Variants in ZNF618 observed in about 807,000 individuals in gnomAD.
The protein encoded by ZNF618 is neural precursor cell expressed, developmentally down-regulated 10.
In ZNF618, 34 loss-of-function variants were observed where a neutral mutation model predicts 103.0. The ratio of observed to expected loss-of-function variants is 0.33; its 90% CI spans 0.25 to 0.44. The LOEUF is 0.44. Ranked by LOEUF, ZNF618 falls within the 20% of genes least tolerant of loss-of-function variation. ZNF618 has a pLI of 1.00. For missense variants in ZNF618, 1,059 were observed against 1,295.4 expected (o/e 0.82, Z 2.80); for synonymous variants, 551 against 542.2 (o/e 1.02, Z -0.23).
intron 1 of ZNF618, among the ~76,000 whole-genome samples, chr9:113,951,563 A>G (rs1414703028): frequency 2.8e-5 from 1 of 36,204 alleles, no homozygotes; most frequent in Admixed American, 4.3e-4. Context: ...GTGTGTGTAT[A>G]TGTGTGTGTG....
intron 1 of ZNF618, among the ~76,000 whole-genome samples, chr9:113,903,475 GTTTT>G (rs11439947): frequency 1.4e-5 from 2 of 144,690 alleles, no homozygotes; most frequent in African/African-American, 5.1e-5. Flanking sequence ...ATCTGCCTCT[GTTTT>G]TTTTTTTTAA....
chr9:113,946,691 G>C (rs1462172959), intron 1 of ZNF618, among the ~76,000 whole-genome samples: 1 of 152,168 alleles, frequency 6.6e-6, no homozygotes, highest in Non-Finnish European at 1.5e-5. Flanking sequence ...CCTCCTCTCT[G>C]AGAGGGGCTG....
At chr9:113,901,850 G>C (rs762744217) in intron 1 of ZNF618, among the ~76,000 whole-genome samples, 16 of 152,020 alleles carry the variant, frequency 1.1e-4, no homozygotes, top group Non-Finnish European at 1.9e-4. Flanking sequence ...TTTCTGTTTT[G>C]TTTTGTTTTT....
intron 4 of ZNF618, among the ~76,000 whole-genome samples, chr9:113,998,736 T>C (rs1160301554): frequency 2.0e-5 from 3 of 152,376 alleles, no homozygotes; most frequent in South Asian, 4.1e-4. Flanking sequence ...TCGCAGGGCC[T>C]GCGGCTGCCC....
At chr9:113,910,139 A>G (rs933855340) in intron 1 of ZNF618, among the ~76,000 whole-genome samples, 8 of 151,900 alleles carry the variant, frequency 5.3e-5, no homozygotes, top group African/African-American at 1.9e-4. Flanking sequence ...TCCCTGCTAT[A>G]CTAAATGGCT....
intron 13 of ZNF618, among the ~76,000 whole-genome samples, chr9:114,041,151 A>C (rs1845140585): frequency 6.6e-6 from 1 of 152,116 alleles, no homozygotes; most frequent in African/African-American, 2.4e-5. Context: ...GTCTGTTCAT[A>C]TCCTTCGCCC....
At chr9:113,948,564 T>A (rs909522549) in intron 1 of ZNF618, among the ~76,000 whole-genome samples, 3 of 152,234 alleles carry the variant, frequency 2.0e-5, no homozygotes, top group Non-Finnish European at 4.4e-5. Context: ...GAGATGTTTT[T>A]AATCAAAAGT....
chr9:113,924,642 G>C (rs1466899317), intron 1 of ZNF618, among the ~76,000 whole-genome samples: 1 of 151,286 alleles, frequency 6.6e-6, no homozygotes, highest in Admixed American at 6.6e-5. Flanking sequence ...TCAGATTATT[G>C]ATTTTATATT....
At chr9:114,025,483 T>TA (rs1353079597) in intron 10 of ZNF618, among the ~76,000 whole-genome samples, 1 of 152,256 alleles carries the variant, frequency 6.6e-6, no homozygotes, top group African/African-American at 2.4e-5. Flanking sequence ...TGTGTGTAGA[T>TA]ACTGCATGTG....
chr9:113,933,461 G>T (rs1833777457), intron 1 of ZNF618, among the ~76,000 whole-genome samples: 2 of 152,210 alleles, frequency 1.3e-5, no homozygotes. Flanking sequence ...AGTGACTTTA[G>T]AGTGCATTAG....
At chr9:114,036,621 A>G (rs1398724204) in intron 13 of ZNF618, among the ~76,000 whole-genome samples, 1 of 152,232 alleles carries the variant, frequency 6.6e-6, no homozygotes, top group Non-Finnish European at 1.5e-5. Flanking sequence ...GAGGTGGGAC[A>G]GAGTTGAAGA....
chr9:114,001,109 C>T (rs1841155626), intron 4 of ZNF618, among the ~76,000 whole-genome samples: 1 of 152,200 alleles, frequency 6.6e-6, no homozygotes, highest in Non-Finnish European at 1.5e-5. Flanking sequence ...GTTTCTGCCC[C>T]TGGGGTCCCT....
At chr9:114,011,919 A>G (rs1842284192) in intron 9 of ZNF618, among the ~76,000 whole-genome samples, 1 of 152,174 alleles carries the variant, frequency 6.6e-6, no homozygotes, top group South Asian at 2.1e-4. Context: ...AGGGAGAATC[A>G]AGGAAAACTC....
chr9:114,028,535 A>T, intron 10 of ZNF618, 198 bp from the exon 11 acceptor site: 2 of 803,342 alleles, frequency 2.5e-6, no homozygotes, highest in Non-Finnish European at 3.8e-6. Flanking sequence ...CCAGATAACT[A>T]AGCGTGAGCT....
chr9:113,921,005 C>T (rs1228581427), intron 1 of ZNF618, among the ~76,000 whole-genome samples: 3 of 152,236 alleles, frequency 2.0e-5, no homozygotes, highest in African/African-American at 7.2e-5. Context: ...CATGCACGCT[C>T]CATCAGGTTA....
rs1838715309 is a variant in ZNF618 at position 113,978,779 on chromosome 9, C to T, written c.78-9542C>T. On this transcript the variant is annotated intron_variant, in intron 2 of 14. Coordinates refer to ENST00000374126, the MANE Select transcript of ZNF618 (RefSeq NM_001318042.2). ...GAAGCAGGGAGACTGTGAAAAGTCA[C>T]TCTGTTTCTCCAGTCCTTGGTTTTC... Among the ~76,000 whole-genome samples the T allele has an allele frequency of 2.0e-5, 3 of 152,204 alleles. No individual in the cohort carries two copies. The South Asian group carries it at 6.2e-4, about 31-fold the overall frequency.
chr9:114,032,485 C>G (rs1247568395), intron 11 of ZNF618, among the ~76,000 whole-genome samples, 160 bp from the exon 12 acceptor site: 3 of 152,176 alleles, frequency 2.0e-5, no homozygotes, highest in African/African-American at 7.2e-5. Flanking sequence ...GACTAGGCCA[C>G]TCAGAGGGTC....
In ZNF618 at chr9:114,047,932, C is replaced by G; in HGVS notation, c.1286C>G (p.Ser429Trp). ...AACATTGCCTCCAACCAGTCCCGAT[C>G]GCCACCTGCTGTTGTAGAAGAGAAG... Reference protein sequence around the residue: ...ENNIASNQSRSPPAVVEEKWK... With the variant: ...ENNIASNQSRWPPAVVEEKWK... Residue 429 changes from serine to tryptophan, a missense_variant, in exon 14 of 15, where the codon TCG (serine) becomes TGG (tryptophan). Transcript: ENST00000374126. The G allele has an allele frequency of 6.2e-7, 1 of 1,603,308 alleles. No homozygotes were observed. The highest frequency in any genetic ancestry group is 8.5e-7 in the Non-Finnish European group (1 of 1,175,030).
intron 1 of ZNF618, among the ~76,000 whole-genome samples, chr9:113,923,015 ATGTTT>A (rs1217875071): frequency 6.6e-6 from 1 of 151,872 alleles, no homozygotes; most frequent in East Asian, 1.9e-4. Flanking sequence ...TATCCTGTAC[ATGTTT>A]TGTTAAGTAT....
Sources: gnomAD v4.1 joint callset for allele counts (sites outside exome capture counted in the v4.1 genomes callset) on GRCh38, gnomAD v4.1.1 for gene constraint, MANE v1.5 for transcripts, NCBI Gene and HGNC (gene_info 2026-07-23, HGNC 2026-07-21) for gene names.